The following GABRA6 variants were observed in gnomAD, a reference collection of about 807,000 sequenced individuals.
GABRA6 encodes gamma-aminobutyric acid receptor subunit alpha-6.
A neutral mutation model predicts 47.3 loss-of-function variants in GABRA6; 45 were observed. That is an observed-to-expected ratio of 0.95 (90% CI 0.75 to 1.22). The LOEUF (loss-of-function observed/expected upper bound fraction) is 1.22. Among genes scored for constraint, GABRA6 ranks in the 50% most tolerant of loss-of-function variants. The pLI is 0.00. For missense variants in GABRA6, 583 were observed against 549.3 expected (o/e 1.06, Z -0.61); for synonymous variants, 219 against 194.7 (o/e 1.12, Z -1.04).
intron 8 of GABRA6, among the ~76,000 whole-genome samples, chr5:161,700,817 G>A (rs555561429): frequency 7.9e-5 from 12 of 152,292 alleles, no homozygotes; most frequent in African/African-American, 2.6e-4. Context: ...AGTTCTGAGC[G>A]GGAAGTAAGG....
chr5:161,697,295 A>G (rs1754901160), intron 8 of GABRA6, among the ~76,000 whole-genome samples: 1 of 152,230 alleles, frequency 6.6e-6, no homozygotes, highest in East Asian at 1.9e-4. Flanking sequence ...TAGAGCAGGA[A>G]GGGACTGAAG....
At position 161,689,660 on chromosome 5, in the gene GABRA6, T is replaced by C. The variant is rs1259386985; in HGVS notation, c.554T>C (p.Ile185Thr). The C allele has an allele frequency of 2.5e-6, 4 of 1,609,726 alleles. No homozygotes were observed. Among genetic ancestry groups the C allele is most frequent in the Non-Finnish European group, 3.4e-6 (4 of 1,176,146 alleles). Residue 185 changes from isoleucine to threonine, a missense_variant, in exon 6 of 9, where the codon ATA (isoleucine) becomes ACA (threonine). Ile to Thr is a moderately conservative substitution (Grantham distance 89). Transcript: ENST00000274545. ...GATGCTTATCCCAAAAGTGAAATCA[T>C]ATATACGTGGAAAAAAGGACCACTT... ...GSYAYPKSEI[I>T]YTWKKGPLYS...
intron 8 of GABRA6, among the ~76,000 whole-genome samples, chr5:161,701,152 A>C (rs1038540111): frequency 2.0e-5 from 3 of 152,130 alleles, no homozygotes; most frequent in Non-Finnish European, 4.4e-5. Flanking sequence ...TGCCCTACAG[A>C]CTAATGCACA....
At chr5:161,699,834 T>A (rs2113088080) in intron 8 of GABRA6, among the ~76,000 whole-genome samples, 1 of 152,206 alleles carries the variant, frequency 6.6e-6, no homozygotes, top group African/African-American at 2.4e-5. Flanking sequence ...TATCTTAAAC[T>A]CTCTTCTACC....
At chr5:161,698,551 T>C (rs1298080312) in intron 8 of GABRA6, among the ~76,000 whole-genome samples, 4 of 151,988 alleles carry the variant, frequency 2.6e-5, no homozygotes, top group Non-Finnish European at 4.4e-5. Flanking sequence ...TGTATATATA[T>C]ACACATATAT....
At chr5:161,693,721 G>A (rs547318847) in intron 8 of GABRA6, among the ~76,000 whole-genome samples, 18 of 152,238 alleles carry the variant, frequency 1.2e-4, no homozygotes, top group Middle Eastern at 3.4e-3. Flanking sequence ...AGGGAACTGA[G>A]GCAAGAAGAT....
In GABRA6 at chr5:161,698,515, C is replaced by CA. The variant is rs1373290810; in HGVS notation, c.1087-2976dup. Among the ~76,000 whole-genome samples the CA allele has an allele frequency of 4.6e-5, 7 of 151,216 alleles. No homozygotes were observed. The East Asian group carries it at 5.8e-4, about 13-fold the overall frequency. ...AATAGATATAGCTAAGATTCCTGAG[C>CA]AAAAAAATATGTACATATGTATATG... is the stretch of plus-strand genomic sequence containing the variant. On this transcript the variant is annotated intron_variant, in intron 8 of 8. Coordinates refer to ENST00000274545, the MANE Select transcript of GABRA6 (RefSeq NM_000811.3).
intron 8 of GABRA6, among the ~76,000 whole-genome samples, chr5:161,701,291 G>A (rs974559899): frequency 2.0e-5 from 3 of 152,186 alleles, no homozygotes; most frequent in Non-Finnish European, 4.4e-5. Context: ...ATGTCAGATG[G>A]AAGCAAGTAA....
At chr5:161,699,040 T>A (rs575189693) in intron 8 of GABRA6, among the ~76,000 whole-genome samples, 2 of 152,308 alleles carry the variant, frequency 1.3e-5, no homozygotes, top group African/African-American at 4.8e-5. Flanking sequence ...CACAAATGAC[T>A]GCCCCCACCA....
intron 5 of GABRA6, 21 bp downstream of exon 5, chr5:161,689,357 G>A (rs765131809): frequency 6.3e-7 from 1 of 1,593,698 alleles, no homozygotes; most frequent in South Asian, 1.1e-5. Flanking sequence ...ACAGGCTTCT[G>A]AGAGTCAAAT....
rs2113072018 is a variant in GABRA6 at position 161,690,212 on chromosome 5, A to T, written c.685A>T (p.Ile229Leu). The T allele has an allele frequency of 6.2e-7, 1 of 1,613,738 alleles. No homozygotes were observed. The highest frequency in any genetic ancestry group is 8.5e-7 in the Non-Finnish European group (1 of 1,179,720). The change falls in exon 7 of 9, where the codon ATA becomes TTA. Residue 229 changes from isoleucine (I) to leucine (L), a missense_variant. Coordinates refer to ENST00000274545, the MANE Select transcript of GABRA6 (RefSeq NM_000811.3). ...GTGTCTTCCAACAGGTGAATACGTT[A>T]TAATGACAGTTTACTTCCACTTGCA... ...TIKSNTGEYV[I>L]MTVYFHLQRK...
chr5:161,698,694 A>G (rs6882370), intron 8 of GABRA6, among the ~76,000 whole-genome samples: 146,289 of 152,040 alleles, frequency 0.96, 70,616 homozygotes, highest in East Asian at 1. Context: ...TAGAGCCTAT[A>G]GCACCTAGGA....
intron 8 of GABRA6, among the ~76,000 whole-genome samples, chr5:161,696,543 A>G (rs1754889672): frequency 6.6e-6 from 1 of 152,102 alleles, no homozygotes; most frequent in Non-Finnish European, 1.5e-5. Flanking sequence ...AGGATGGATT[A>G]GACGAGGGTT....
chr5:161,697,048 A>G (rs1309078395), intron 8 of GABRA6, among the ~76,000 whole-genome samples: 1 of 152,220 alleles, frequency 6.6e-6, no homozygotes, highest in Non-Finnish European at 1.5e-5. Context: ...TCTATCAAAT[A>G]GTTGATTGTC....
rs1385379478 is a variant in GABRA6 at position 161,689,642 on chromosome 5, A to C, written c.536A>C (p.Tyr179Ser). Residue 179 changes from tyrosine to serine, a missense_variant, in exon 6 of 9, where the codon TAT becomes TCT. By Grantham distance (144) the Tyr-to-Ser change is moderately radical. Transcript: ENST00000274545. ...ATTTGTTTCAAATATTTAGATGCTT[A>C]TCCCAAAAGTGAAATCATATATACG... ...ACPLKFGSYAYPKSEIIYTWK... is the reference protein window; with the variant it reads ...ACPLKFGSYASPKSEIIYTWK... The C allele has an allele frequency of 6.2e-7, 1 of 1,608,750 alleles. No homozygotes were observed. Among genetic ancestry groups the C allele is most frequent in the Non-Finnish European group, 8.5e-7 (1 of 1,175,492 alleles).
In GABRA6 at chr5:161,701,830, T is replaced by TCTTA; in HGVS notation, c.*58_*61dup. ...TTCTTGTTTTCTGTTTCCTATGTTT[T>TCTTA]CTTAAAAAATAGCATTGAGACTTGT... On this transcript the variant is annotated 3_prime_UTR_variant, in exon 9 of 9. Coordinates refer to ENST00000274545, the MANE Select transcript of GABRA6 (RefSeq NM_000811.3). 6.4e-7 allele frequency: 1 copy of TCTTA among 1,574,406 alleles called. No homozygotes were observed. The highest frequency in any genetic ancestry group is 1.1e-5 in the South Asian group (1 of 90,038).
intron 7 of GABRA6, among the ~76,000 whole-genome samples, chr5:161,690,843 A>G (rs1055949470): frequency 6.6e-6 from 1 of 152,194 alleles, no homozygotes; most frequent in Non-Finnish European, 1.5e-5. Context: ...AAATTAAATA[A>G]TAAGAAAAAG....
rs1353870049 is a variant in GABRA6 at position 161,702,410 on chromosome 5, A to G, written c.*637A>G. ...TGCATATGTACATAGCTGTAGTTGG[A>G]CTAAAATTCAGTGTGTTTTATCCTA... is the stretch of plus-strand genomic sequence containing the variant. On this transcript the variant is annotated 3_prime_UTR_variant, in exon 9 of 9. Transcript: ENST00000274545. 1 of 152,378 alleles carries G rather than the reference A, an allele frequency of 6.6e-6. No individual in the cohort carries two copies. Among genetic ancestry groups the G allele is most frequent in the African/African-American group, 2.4e-5 (1 of 41,460 alleles). The allele number at this position is 152,378 out of a possible 1,614,324, so 9.4% of individuals were successfully genotyped here.
chr5:161,696,749 G>A (rs1439247217), intron 8 of GABRA6, among the ~76,000 whole-genome samples: 1 of 152,128 alleles, frequency 6.6e-6, no homozygotes, highest in Non-Finnish European at 1.5e-5. Flanking sequence ...TCTACCAGCT[G>A]AAACACAAAC....
Sources: gnomAD v4.1 joint callset for allele counts (sites outside exome capture counted in the v4.1 genomes callset) on GRCh38, gnomAD v4.1.1 for gene constraint, MANE v1.5 for transcripts, NCBI Gene and HGNC (gene_info 2026-07-23, HGNC 2026-07-21) for gene names.